The following MACROH2A2 variants were observed in gnomAD, a reference collection of about 807,000 sequenced individuals.
The protein encoded by MACROH2A2 is core histone macro-H2A.2.
MACROH2A2 carries 6 observed loss-of-function variants against 37.6 expected under a neutral mutation model. The observed-to-expected ratio is 0.16, with a 90% confidence interval of 0.09 to 0.32. The LOEUF (loss-of-function observed/expected upper bound fraction) is 0.32, where lower values mean the gene tolerates loss of function less well. Among genes scored for constraint, MACROH2A2 ranks in the 10% least tolerant of loss-of-function variants. The pLI is 1.00. For synonymous variants in MACROH2A2, 192 were observed against 202.7 expected (o/e 0.95, Z 0.45); for missense variants, 290 against 485.9 (o/e 0.60, Z 3.79).
chr10:70,087,381 C>T (rs1380798794), intron 2 of MACROH2A2, among the ~76,000 whole-genome samples: 2 of 151,910 alleles, frequency 1.3e-5, no homozygotes, highest in Non-Finnish European at 2.9e-5. Context: ...TATAGGCGCA[C>T]GCCACCAAGC....
intron 2 of MACROH2A2, among the ~76,000 whole-genome samples, chr10:70,079,608 G>GACACACACAC (rs1554822102): frequency 7.6e-4 from 61 of 79,946 alleles, no homozygotes; most frequent in South Asian, 1.3e-3. Context: ...CACACACACG[G>GACACACACAC]CAGAGGAGGC....
chr10:70,075,777 G>T lies in MACROH2A2; in HGVS notation c.119G>T (p.Arg40Leu). The change falls in exon 2 of 9, where the codon CGG becomes CTG. Residue 40 changes from arginine (R) to leucine (L), a missense_variant. Transcript: ENST00000373255. The surrounding 1 kb of genome is among the most constrained non-coding windows in gnomAD (Gnocchi z 5.0). Reference protein sequence around the residue: ...RYLKKGTFKYRISVGAPVYMA... With the variant: ...RYLKKGTFKYLISVGAPVYMA... ...CTGAAGAAAGGGACGTTCAAGTACC[G>T]GATCAGCGTGGGCGCCCCTGTCTAC... The T allele has an allele frequency of 6.2e-7, 1 of 1,614,004 alleles. No homozygotes were observed. Among genetic ancestry groups the T allele is most frequent in the Non-Finnish European group, 8.5e-7 (1 of 1,180,004 alleles).
chr10:70,073,126 T>C (rs2072120346), intron 1 of MACROH2A2, among the ~76,000 whole-genome samples: 1 of 152,114 alleles, frequency 6.6e-6, no homozygotes, highest in Admixed American at 6.5e-5. Context: ...CTGGGCTCCT[T>C]CCACTATAGC....
chr10:70,105,824 A>AG (rs1204041308), intron 7 of MACROH2A2, among the ~76,000 whole-genome samples: 2 of 152,202 alleles, frequency 1.3e-5, no homozygotes, highest in African/African-American at 4.8e-5. Context: ...AGTGACAAAG[A>AG]GGGAAAAAGG....
At chr10:70,105,689 C>CAG (rs1458612857) in intron 7 of MACROH2A2, among the ~76,000 whole-genome samples, 1 of 147,094 alleles carries the variant, frequency 6.8e-6, no homozygotes, top group East Asian at 2.0e-4. Context: ...GTTTGGCAGA[C>CAG]AGAGGGCTGG....
chr10:70,067,312 A>G (rs1424677557), intron 1 of MACROH2A2, among the ~76,000 whole-genome samples: 1 of 152,248 alleles, frequency 6.6e-6, no homozygotes, highest in African/African-American at 2.4e-5. Context: ...CTTCAGGGTT[A>G]GAGAGGAGCT....
chr10:70,091,381 C>G (rs78394241), intron 3 of MACROH2A2, among the ~76,000 whole-genome samples: 233 of 152,300 alleles, frequency 1.5e-3, no homozygotes, highest in Non-Finnish European at 3.0e-3. Flanking sequence ...CAGTTAGAAC[C>G]GTATTAAGTC....
chr10:70,074,052 C>T (rs56020980), intron 1 of MACROH2A2, among the ~76,000 whole-genome samples: 8,575 of 152,180 alleles, frequency 0.056, 428 homozygotes, highest in East Asian at 0.25. Context: ...TTTCTTTGCT[C>T]CTGACCGTTT....
In MACROH2A2 at chr10:70,107,611, C is replaced by T. The variant is rs2072345898; in HGVS notation, c.779-1422C>T. 6.6e-6 allele frequency among the ~76,000 whole-genome samples: 1 copy of T among 152,202 alleles called. No individual in the cohort carries two copies. The highest frequency in any genetic ancestry group is 2.4e-5 in the African/African-American group (1 of 41,454). ...GAGCTTAGCAGCCACGGGGCTTTAT[C>T]AACTCTGTCACCAATGGGAACCACA... On this transcript the variant is annotated intron_variant, in intron 7 of 8. Coordinates refer to ENST00000373255, the MANE Select transcript of MACROH2A2 (RefSeq NM_018649.3). This position sits in a 1 kb window ranked among gnomAD's most constrained non-coding sequence, Gnocchi z 4.4.
At chr10:70,076,580 A>G (rs771300097) in intron 2 of MACROH2A2, among the ~76,000 whole-genome samples, 2 of 152,196 alleles carry the variant, frequency 1.3e-5, no homozygotes, top group African/African-American at 2.4e-5. Flanking sequence ...TACAAATAAA[A>G]TATATAAATA....
In MACROH2A2 at chr10:70,059,623, G is replaced by A. The variant is rs575347629; in HGVS notation, c.-60+6623G>A. Reference sequence around the variant, plus strand: ...TGACCTCAAGTGATCCTCCCGCCTCGGCCTCCCAAAGTGTTGGGATTACAG... The same window carrying A: ...TGACCTCAAGTGATCCTCCCGCCTCAGCCTCCCAAAGTGTTGGGATTACAG... On this transcript the variant is annotated intron_variant, in intron 1 of 8. Coordinates refer to ENST00000373255, the MANE Select transcript of MACROH2A2 (RefSeq NM_018649.3). Among the ~76,000 whole-genome samples, 875 of 152,090 alleles carry A rather than the reference G, an allele frequency of 5.8e-3. 1 individual carries two copies. The highest frequency in any genetic ancestry group is 8.3e-3 in the Non-Finnish European group (562 of 67,970).
chr10:70,077,553 C>A (rs2072146797), intron 2 of MACROH2A2, among the ~76,000 whole-genome samples: 1 of 150,094 alleles, frequency 6.7e-6, no homozygotes, highest in Non-Finnish European at 1.5e-5. Context: ...TGCACTCCAG[C>A]CTAGGTGACA....
intron 1 of MACROH2A2, among the ~76,000 whole-genome samples, chr10:70,058,182 G>A (rs1039281305): frequency 2.8e-4 from 43 of 152,174 alleles, no homozygotes; most frequent in Non-Finnish European, 5.9e-4. Context: ...TTGTCACAAA[G>A]TATTAAATAA....
chr10:70,065,334 C>T lies in MACROH2A2; in HGVS notation c.-59-10266C>T, dbSNP rs186248500. On this transcript the variant is annotated intron_variant, in intron 1 of 8. Transcript: ENST00000373255. Reference sequence around the variant, plus strand: ...TTAAGTGATCTGCCCACCTCGGCCTCCCAAAGTGCTGGGATTATAAGCGTA... The same window carrying T: ...TTAAGTGATCTGCCCACCTCGGCCTTCCAAAGTGCTGGGATTATAAGCGTA... Among the ~76,000 whole-genome samples the T allele has an allele frequency of 2.6e-3, 403 of 152,274 alleles. 3 individuals carry two copies. Among genetic ancestry groups the T allele is most frequent in the African/African-American group, 9.2e-3 (382 of 41,570 alleles).
chr10:70,062,590 G>A (rs544948215), intron 1 of MACROH2A2, among the ~76,000 whole-genome samples: 1 of 152,282 alleles, frequency 6.6e-6, no homozygotes, highest in Non-Finnish European at 1.5e-5. Flanking sequence ...GAATGATCTC[G>A]AAAGAGTGCT....
chr10:70,077,056 A>G (rs1028379800), intron 2 of MACROH2A2, among the ~76,000 whole-genome samples: 1 of 151,688 alleles, frequency 6.6e-6, no homozygotes. Context: ...TCCCTCCTTT[A>G]GGAGGTTGGG....
chr10:70,081,714 G>A (rs1017870099), intron 2 of MACROH2A2, among the ~76,000 whole-genome samples: 1 of 152,108 alleles, frequency 6.6e-6, no homozygotes, highest in Non-Finnish European at 1.5e-5. Context: ...GGAGACAGAG[G>A]GGGTGGGGAC....
intron 4 of MACROH2A2, among the ~76,000 whole-genome samples, chr10:70,092,714 G>A (rs990182366): frequency 2.6e-5 from 4 of 152,156 alleles, no homozygotes; most frequent in Non-Finnish European, 4.4e-5. Context: ...CCTAAGCAGG[G>A]ATGGTTTTCA....
intron 2 of MACROH2A2, among the ~76,000 whole-genome samples, 192 bp from the exon 3 acceptor site, chr10:70,089,868 T>C (rs954209426): frequency 4.6e-5 from 7 of 152,020 alleles, no homozygotes; most frequent in African/African-American, 1.7e-4. Flanking sequence ...GCTCAAGCGA[T>C]CCTCCTGCCT....
Sources: gnomAD v4.1 joint callset for allele counts (sites outside exome capture counted in the v4.1 genomes callset) on GRCh38, gnomAD v4.1.1 for gene constraint, Gnocchi (gnomAD v3.1) non-coding constraint, MANE v1.5 for transcripts, NCBI Gene and HGNC (gene_info 2026-07-23, HGNC 2026-07-21) for gene names.